Variants in GALNT15 observed in about 807,000 individuals in gnomAD.
The protein encoded by GALNT15 is UDP-GalNAc transferase T15.
A neutral mutation model predicts 66.8 loss-of-function variants in GALNT15; 67 were observed. The observed-to-expected ratio is 1.00, with a 90% CI of 0.82 to 1.23. The LOEUF (loss-of-function observed/expected upper bound fraction) is 1.23. Among genes scored for constraint, GALNT15 ranks in the 50% most tolerant of loss-of-function variants. GALNT15 has a pLI of 0.00. For synonymous variants in GALNT15, 313 were observed against 311.5 expected (o/e 1.00, Z -0.05); for missense variants, 827 against 804.3 (o/e 1.03, Z -0.34).
chr3:16,231,743 A>G (rs1420764322), downstream of GALNT15: 10 of 1,398,588 alleles, frequency 7.2e-6, no homozygotes, highest in Non-Finnish European at 9.8e-6. The surrounding 1 kb of genome is among the most constrained non-coding windows in gnomAD (Gnocchi z 4.1). Context: ...AAATGCTAAA[A>G]TGATACAGTC....
At chr3:16,185,776 T>C (rs2063510720) in intron 1 of GALNT15, among the ~76,000 whole-genome samples, 1 of 150,596 alleles carries the variant, frequency 6.6e-6, no homozygotes, top group Non-Finnish European at 1.5e-5. Context: ...GATAGATAGA[T>C]AGATAGATAG....
rs1163691517 is a variant in GALNT15, at chr3:16,208,536, T to C, written c.945T>C (p.Ile315=). Residue 315 remains isoleucine, a synonymous_variant, in exon 4 of 10, where the codon ATT becomes ATC. Transcript: ENST00000339732. ...SRVVSPVIDV[I]DWKTFQYYPS... ...TGGTATCTCCGGTGATAGATGTGATTGACTGGAAGACTTTCCAGTATTACC... is the reference window on the plus strand; with the variant it reads ...TGGTATCTCCGGTGATAGATGTGATCGACTGGAAGACTTTCCAGTATTACC... 1.2e-6 allele frequency: 2 copies of C among 1,614,170 alleles called. No individual in the cohort carries two copies. Among genetic ancestry groups the C allele is most frequent in the Non-Finnish European group, 8.5e-7 (1 of 1,180,018 alleles).
In GALNT15 at chr3:16,228,101, A is replaced by G. The variant is rs1029192581; in HGVS notation, c.*601A>G. Reference sequence around the variant, plus strand: ...CACTTTGGCCCAATTCTCCAGCTCAACCCAGCAGCTGAAAAGCTTCAAGAG... The same window carrying G: ...CACTTTGGCCCAATTCTCCAGCTCAGCCCAGCAGCTGAAAAGCTTCAAGAG... On this transcript the variant is annotated 3_prime_UTR_variant, in exon 10 of 10. Coordinates refer to ENST00000339732, the MANE Select transcript of GALNT15 (RefSeq NM_054110.5). The G allele has an allele frequency of 1.0e-5, 10 of 985,982 alleles. No individual in the cohort carries two copies. The Admixed American group carries it at 3.1e-4, about 30-fold the overall frequency. 61.1% of individuals were successfully genotyped at this position (985,982 alleles called of 1,614,324 possible). A position where few individuals can be genotyped will look rare whatever the true frequency, so the allele number is the denominator to read the frequency against.
the GALNT15 span, among the ~76,000 whole-genome samples, chr3:16,238,549 G>A: frequency 1.3e-5 from 2 of 152,056 alleles, no homozygotes; most frequent in African/African-American, 2.4e-5. This position sits in a 1 kb window ranked among gnomAD's most constrained non-coding sequence, Gnocchi z 4.8. Context: ...GGCCAATGAT[G>A]TAAGGACTAC....
At position 16,175,677 on chromosome 3, in the gene GALNT15, G is replaced by T; in HGVS notation, c.526G>T (p.Val176Leu). Residue 176 changes from valine to leucine, a missense_variant, in exon 1 of 10, where the codon GTG becomes TTG. Coordinates refer to ENST00000339732, the MANE Select transcript of GALNT15 (RefSeq NM_054110.5). The surrounding 1 kb of genome is among the most constrained non-coding windows in gnomAD (Gnocchi z 5.6). Reference protein sequence around the residue: ...RIPLQRALPEVRHPLCLQQHP... With the variant: ...RIPLQRALPELRHPLCLQQHP... ...CCCCCTCCAGAGGGCTCTGCCCGAG[G>T]TGCGGCACCCACTGTAAGTAAGGCC... is the stretch of plus-strand genomic sequence containing the variant. 6.3e-7 allele frequency: 1 copy of T among 1,588,774 alleles called. No homozygotes were observed. Among genetic ancestry groups the T allele is most frequent in the Non-Finnish European group, 8.6e-7 (1 of 1,166,736 alleles).
chr3:16,224,137 G>A lies in GALNT15; in HGVS notation c.1773+1379G>A, dbSNP rs182906631. Among the ~76,000 whole-genome samples, 3 of 152,152 alleles carry A rather than the reference G, an allele frequency of 2.0e-5. No homozygotes were observed. The highest frequency in any genetic ancestry group is 2.9e-5 in the Non-Finnish European group (2 of 67,992). ...TAAGTAATAATGAGTAAAAGATTAG[G>A]GAGTAAGATACACCCAGCATATTTC... On this transcript the variant is annotated intron_variant, in intron 9 of 9. Coordinates refer to ENST00000339732, the MANE Select transcript of GALNT15 (RefSeq NM_054110.5). This position sits in a 1 kb window ranked among gnomAD's most constrained non-coding sequence, Gnocchi z 5.2.
At chr3:16,247,015 T>C in the GALNT15 span, among the ~76,000 whole-genome samples, 1 of 152,146 alleles carries the variant, frequency 6.6e-6, no homozygotes, top group Non-Finnish European at 1.5e-5. Context: ...TTTTCATACA[T>C]AAATACATTT....
chr3:16,229,131 C>G lies in GALNT15; in HGVS notation c.*1631C>G. The G allele has an allele frequency of 1.0e-6, 1 of 985,444 alleles. No homozygotes were observed. The highest frequency in any genetic ancestry group is 4.7e-5 in the South Asian group (1 of 21,282). 61.0% of individuals were successfully genotyped at this position (985,444 alleles called of 1,614,324 possible). Reference sequence around the variant, plus strand: ...ATCTCCTTTGGGCTGTCTCAGAACACAGTATCCTTCAAATAAGAAAAACTG... The same window carrying G: ...ATCTCCTTTGGGCTGTCTCAGAACAGAGTATCCTTCAAATAAGAAAAACTG... On this transcript the variant is annotated 3_prime_UTR_variant, in exon 10 of 10. Coordinates refer to ENST00000339732, the MANE Select transcript of GALNT15 (RefSeq NM_054110.5).
rs138097064 is a variant in GALNT15 at position 16,211,791 on chromosome 3, A to G, written c.1197+550A>G. Among the ~76,000 whole-genome samples, 648 of 152,296 alleles carry G rather than the reference A, an allele frequency of 4.3e-3. 2 individuals carry two copies. The highest frequency in any genetic ancestry group is 0.013 in the South Asian group (64 of 4,824). ...AACCCAACACCAAAAAAAATTCATC[A>G]TCAAGAGTGCAGAGATCTAATGCTG... On this transcript the variant is annotated intron_variant, in intron 5 of 9. Coordinates refer to ENST00000339732, the MANE Select transcript of GALNT15 (RefSeq NM_054110.5). This position sits in a 1 kb window ranked among gnomAD's most constrained non-coding sequence, Gnocchi z 4.3.
At chr3:16,216,989 C>G (rs908719000) in intron 6 of GALNT15, among the ~76,000 whole-genome samples, 5 of 152,048 alleles carry the variant, frequency 3.3e-5, no homozygotes, top group South Asian at 2.1e-4. Flanking sequence ...GCTGCCTAAC[C>G]AACACCTGAT....
chr3:16,221,218 C>T (rs1006353950), intron 8 of GALNT15, among the ~76,000 whole-genome samples: 2 of 149,674 alleles, frequency 1.3e-5, no homozygotes, highest in Non-Finnish European at 3.0e-5. Flanking sequence ...AACAATACAG[C>T]CTCCTTCATG....
At position 16,189,238 on chromosome 3, in the gene GALNT15, A is replaced by G. The variant is rs757897737; in HGVS notation, c.540-6522A>G. ...CAACAGGGGATCTAGCTGAACTCCA[A>G]TCACCCACCTGGCCTCCTTTGCCTG... On this transcript the variant is annotated intron_variant, in intron 1 of 9. Coordinates refer to ENST00000339732, the MANE Select transcript of GALNT15 (RefSeq NM_054110.5). This position sits in a 1 kb window ranked among gnomAD's most constrained non-coding sequence, Gnocchi z 5.1. Among the ~76,000 whole-genome samples, 3 of 152,150 alleles carry G rather than the reference A, an allele frequency of 2.0e-5. No homozygotes were observed. In the South Asian group the frequency reaches 6.2e-4, roughly 32 times the overall value.
intron 3 of GALNT15, among the ~76,000 whole-genome samples, chr3:16,202,939 G>A (rs2063718174): frequency 6.6e-6 from 1 of 152,216 alleles, no homozygotes; most frequent in Non-Finnish European, 1.5e-5. Context: ...CTGCTTTTAT[G>A]CAGACATTTA....
In GALNT15 at chr3:16,219,625, C is replaced by A; in HGVS notation, c.1524+91C>A. Reference sequence around the variant, plus strand: ...CAGCTCTTCCATGTCCCTGGTCAACCATTCACGGTTTAGCAGGGCCTCAGA... The same window carrying A: ...CAGCTCTTCCATGTCCCTGGTCAACAATTCACGGTTTAGCAGGGCCTCAGA... On this transcript the variant is annotated intron_variant, in intron 7 of 9. Coordinates refer to ENST00000339732, the MANE Select transcript of GALNT15 (RefSeq NM_054110.5). The surrounding 1 kb of genome is among the most constrained non-coding windows in gnomAD (Gnocchi z 4.3). The A allele has an allele frequency of 1.3e-6, 2 of 1,534,454 alleles. No individual in the cohort carries two copies. Among genetic ancestry groups the A allele is most frequent in the Non-Finnish European group, 1.8e-6 (2 of 1,128,918 alleles).
intron 8 of GALNT15, among the ~76,000 whole-genome samples, chr3:16,222,366 G>GTA (rs1485457094): frequency 6.6e-6 from 1 of 152,178 alleles, no homozygotes; most frequent in Non-Finnish European, 1.5e-5. Context: ...GGTAAATAAC[G>GTA]TAACAGAGAA....
intron 1 of GALNT15, among the ~76,000 whole-genome samples, chr3:16,194,644 G>A (rs1163596928): frequency 8.5e-5 from 13 of 152,172 alleles, no homozygotes; most frequent in Admixed American, 2.6e-4. Context: ...GGAGTACTAC[G>A]CAGCCATAAA....
intron 8 of GALNT15, 149 bp from the exon 9 acceptor site, chr3:16,222,466 C>T: frequency 1.1e-6 from 1 of 902,782 alleles, no homozygotes; most frequent in East Asian, 2.4e-5. Flanking sequence ...TGTTTTTGGA[C>T]TTGACCATGA....
Position 16,210,034 on chromosome 3 carries a change from C to G in GALNT15, c.1080-1090C>G, listed in dbSNP as rs118178496. On this transcript the variant is annotated intron_variant, in intron 4 of 9. Coordinates refer to ENST00000339732, the MANE Select transcript of GALNT15 (RefSeq NM_054110.5). ...TACGATGTATGTCCCTCTTTAAAGT[C>G]CAAAAAATTCTGCATTAAAAAGCAC... Among the ~76,000 whole-genome samples, 163 of 152,272 alleles carry G rather than the reference C, an allele frequency of 1.1e-3. 2 individuals are homozygous for G. In the East Asian group the frequency reaches 0.031, roughly 29 times the overall value.
chr3:16,216,804 T>A (rs980242696), intron 6 of GALNT15, among the ~76,000 whole-genome samples: 1 of 152,212 alleles, frequency 6.6e-6, no homozygotes, highest in African/African-American at 2.4e-5. Flanking sequence ...GAAGGTCATG[T>A]ACCAGTTAAA....
Sources: allele counts gnomAD v4.1 joint callset (sites outside exome capture counted in the v4.1 genomes callset), GRCh38; gene constraint gnomAD v4.1.1; non-coding constraint Gnocchi (gnomAD v3.1); transcripts MANE v1.5; gene names NCBI Gene and HGNC (gene_info 2026-07-23, HGNC 2026-07-21).